The following C1orf87 variants were observed in gnomAD, a reference collection of about 807,000 sequenced individuals.
The protein encoded by C1orf87 is chromosome 1 open reading frame 87.
Under a neutral mutation model 60.5 loss-of-function variants are expected in C1orf87, and 58 were observed. The observed-to-expected ratio is 0.96, with a 90% CI of 0.78 to 1.19. The LOEUF (loss-of-function observed/expected upper bound fraction) is 1.19. Ranked by LOEUF, C1orf87 falls within the 50% of genes most tolerant of loss-of-function variation. The pLI is 0.00. For synonymous variants in C1orf87, 236 were observed against 227.4 expected (o/e 1.04, Z -0.34); for missense variants, 673 against 638.6 (o/e 1.05, Z -0.58).
At position 60,032,375 on chromosome 1, in the gene C1orf87, CT is replaced by C. The variant is rs1645244592; in HGVS notation, c.1029+1100del. On this transcript the variant is annotated intron_variant, in intron 7 of 11. Transcript: ENST00000371201. Reference sequence around the variant, plus strand: ...ACTCTTCTGGACTTTGAATCCTGGCCTTGCCACTTGTTAGCTGTGACTCTTG... The same window carrying C: ...ACTCTTCTGGACTTTGAATCCTGGCCTGCCACTTGTTAGCTGTGACTCTTG... Among the ~76,000 whole-genome samples the C allele has an allele frequency of 2.7e-5, 4 of 150,928 alleles. No homozygotes were observed. In the South Asian group the frequency reaches 8.4e-4, roughly 32 times the overall value.
chr1:59,997,791 G>A lies in C1orf87; in HGVS notation c.1298C>T (p.Pro433Leu), dbSNP rs1644973703. The A allele has an allele frequency of 4.3e-6, 7 of 1,613,700 alleles. No homozygotes were observed. Among genetic ancestry groups the A allele is most frequent in the East Asian group, 2.2e-5 (1 of 44,858 alleles). Residue 433 changes from proline (P) to leucine (L), a missense_variant, in exon 11 of 12, where the codon CCA (proline) becomes CTA (leucine). By Grantham distance (98) the Pro-to-Leu change is moderately conservative (BLOSUM62 -3). Coordinates refer to ENST00000371201, the MANE Select transcript of C1orf87 (RefSeq NM_152377.3). ...TGAAGTTTCAGCAGGAGAGCTTTCTGGCTGCAGCTCCTCTTCTGGAGTTTT... is the reference window on the plus strand; with the variant it reads ...TGAAGTTTCAGCAGGAGAGCTTTCTAGCTGCAGCTCCTCTTCTGGAGTTTT... ...HMKTPEEELQ[P>L]ESSPAETSAC...
intron 8 of C1orf87, among the ~76,000 whole-genome samples, chr1:60,015,044 A>G (rs1645116030): frequency 6.6e-6 from 1 of 152,192 alleles, no homozygotes; most frequent in Admixed American, 6.5e-5. Context: ...CAGGAGGATT[A>G]CGGAAGAGGC....
rs758660480 is a variant in C1orf87 at position 60,001,074 on chromosome 1, T to A, written c.1272+3A>T. On this transcript the variant is annotated splice_donor_region_variant and intron_variant, in intron 10 of 11. Transcript: ENST00000371201. ...CCAAACTCTATATACCCCAGGTGCA[T>A]ACCATATGTTCAGTTTTGCTTTGAG... is the stretch of plus-strand genomic sequence containing the variant. The A allele has an allele frequency of 6.2e-7, 1 of 1,606,774 alleles. No individual in the cohort carries two copies. The highest frequency in any genetic ancestry group is 8.5e-7 in the Non-Finnish European group (1 of 1,175,054).
intron 8 of C1orf87, among the ~76,000 whole-genome samples, chr1:60,022,919 C>T (rs1574306060): frequency 1.3e-5 from 2 of 152,190 alleles, no homozygotes; most frequent in South Asian, 2.1e-4. Context: ...GATTCATTTC[C>T]CAGGCAGAAC....
intron 7 of C1orf87, among the ~76,000 whole-genome samples, chr1:60,030,222 G>C (rs1156500264): frequency 6.6e-6 from 1 of 152,192 alleles, no homozygotes; most frequent in Non-Finnish European, 1.5e-5. Flanking sequence ...TCAAACGCAA[G>C]AATGGGTTAA....
intron 2 of C1orf87, among the ~76,000 whole-genome samples, chr1:60,070,590 CA>C (rs1177898043): frequency 6.6e-6 from 1 of 152,098 alleles, no homozygotes; most frequent in Non-Finnish European, 1.5e-5. Context: ...TAGCAATGCA[CA>C]TCAATTATCC....
chr1:59,993,786 T>TTTGCTC (rs1437385747), intron 11 of C1orf87, among the ~76,000 whole-genome samples: 1 of 150,462 alleles, frequency 6.6e-6, no homozygotes, highest in Non-Finnish European at 1.5e-5. Flanking sequence ...GAGATGGAGT[T>TTTGCTC]TTGCTCTTGT....
At chr1:59,999,407 A>G (rs551051828) in intron 10 of C1orf87, among the ~76,000 whole-genome samples, 1 of 152,332 alleles carries the variant, frequency 6.6e-6, no homozygotes, top group South Asian at 2.1e-4. Context: ...TTTAGAAATC[A>G]GATGAAAGCT....
At chr1:60,034,816 TA>T (rs1379514369) in intron 6 of C1orf87, among the ~76,000 whole-genome samples, 1 of 152,218 alleles carries the variant, frequency 6.6e-6, no homozygotes, top group Non-Finnish European at 1.5e-5. Flanking sequence ...TAGTCTGCTC[TA>T]AGAGGTCAAG....
At chr1:60,029,990 T>C (rs1438097321) in intron 7 of C1orf87, among the ~76,000 whole-genome samples, 2 of 152,108 alleles carry the variant, frequency 1.3e-5, no homozygotes, top group East Asian at 1.9e-4. Context: ...AGATTCAGTG[T>C]TTACATCATC....
In C1orf87 at chr1:60,033,750, G is replaced by C. The variant is rs1017388944; in HGVS notation, c.864-109C>G. Reference sequence around the variant, plus strand: ...TTGCTACACACTATGGAACCAGAGAGCCCATCTACGTAGGCCCTCTCAGTC... The same window carrying C: ...TTGCTACACACTATGGAACCAGAGACCCCATCTACGTAGGCCCTCTCAGTC... On this transcript the variant is annotated intron_variant, in intron 6 of 11. Coordinates refer to ENST00000371201, the MANE Select transcript of C1orf87 (RefSeq NM_152377.3). 7.9e-6 allele frequency: 10 copies of C among 1,266,024 alleles called. No homozygotes were observed. In the African/African-American group the frequency reaches 1.5e-4, roughly 19 times the overall value. 78.4% of individuals were successfully genotyped at this position (1,266,024 alleles called of 1,614,324 possible).
chr1:60,062,960 T>C lies in C1orf87; in HGVS notation c.108-7522A>G, dbSNP rs78069780. ...CCAGAACAACAGTATATTATGCTTC[T>C]TTATACTTCTCACAGTGCCTAAAAC... is the stretch of plus-strand genomic sequence containing the variant. On this transcript the variant is annotated intron_variant, in intron 2 of 11. Coordinates refer to ENST00000371201, the MANE Select transcript of C1orf87 (RefSeq NM_152377.3). Among the ~76,000 whole-genome samples, 121 of 152,242 alleles carry C rather than the reference T, an allele frequency of 7.9e-4. 1 individual carries two copies. In the East Asian group the frequency reaches 0.021, roughly 27 times the overall value.
intron 7 of C1orf87, among the ~76,000 whole-genome samples, chr1:60,027,811 A>G (rs1341463307): frequency 6.6e-6 from 1 of 152,166 alleles, no homozygotes; most frequent in Admixed American, 6.5e-5. Flanking sequence ...GAGGAAAAGC[A>G]TGTGTAATTA....
chr1:60,050,351 T>C (rs541176769), intron 3 of C1orf87, among the ~76,000 whole-genome samples: 1 of 152,164 alleles, frequency 6.6e-6, no homozygotes, highest in South Asian at 2.1e-4. Flanking sequence ...TCTTGTTAAG[T>C]TTATGTCTTG....
At chr1:60,004,526 G>A (rs951780910) in intron 9 of C1orf87, among the ~76,000 whole-genome samples, 1 of 151,884 alleles carries the variant, frequency 6.6e-6, no homozygotes. Flanking sequence ...CCTCTCTACC[G>A]TCTGCACTTC....
chr1:60,008,430 C>T (rs1397625821), intron 9 of C1orf87, among the ~76,000 whole-genome samples: 1 of 151,828 alleles, frequency 6.6e-6, no homozygotes, highest in African/African-American at 2.4e-5. Context: ...TGTGTATCCC[C>T]CACCCCAAAT....
At chr1:59,992,888 T>C (rs1398142308) in intron 11 of C1orf87, among the ~76,000 whole-genome samples, 1 of 152,214 alleles carries the variant, frequency 6.6e-6, no homozygotes, top group Non-Finnish European at 1.5e-5. Flanking sequence ...CTATTTATTG[T>C]CTGTCTCTCT....
chr1:60,041,182 A>C, intron 3 of C1orf87, 51 bp from the exon 4 acceptor site: 2 of 1,418,650 alleles, frequency 1.4e-6, no homozygotes, highest in Non-Finnish European at 1.9e-6. Context: ...GGAGGTAGGG[A>C]AGAGAAAGAG....
chr1:60,008,016 A>C (rs1365063289), intron 9 of C1orf87, among the ~76,000 whole-genome samples: 1 of 152,012 alleles, frequency 6.6e-6, no homozygotes, highest in Non-Finnish European at 1.5e-5. Context: ...AATAGACAGA[A>C]AAAAATGGCT....
Sources: gnomAD v4.1 joint callset for allele counts (sites outside exome capture counted in the v4.1 genomes callset) on GRCh38, gnomAD v4.1.1 for gene constraint, MANE v1.5 for transcripts, NCBI Gene and HGNC (gene_info 2026-07-23, HGNC 2026-07-21) for gene names.